DPP6: variants seen among roughly 807,000 people sequenced by gnomAD.
DPP6 encodes the protein dipeptidyl peptidase like 6.
DPP6 carries 69 observed loss-of-function variants against 122.6 expected under a neutral mutation model. The observed-to-expected ratio is 0.56, with a 90% CI of 0.46 to 0.69. DPP6 has a LOEUF of 0.69. DPP6 is among the 30% of genes least tolerant of loss of function. The pLI is 0.00. For missense variants in DPP6, 928 were observed against 1,116.9 expected, an observed-to-expected ratio of 0.83 and a Z score of 2.41; for synonymous variants, 418 against 433.1, an observed-to-expected ratio of 0.97 and a Z score of 0.43.
At chr7:154,543,448 A>G (rs137875505) in intron 4 of DPP6, among the ~76,000 whole-genome samples, 58 of 152,244 alleles carry the variant, frequency 3.8e-4, no homozygotes, top group Non-Finnish European at 7.8e-4. Context: ...TGGCTCTTAC[A>G]TGGGACAGGT....
intron 1 of DPP6, among the ~76,000 whole-genome samples, chr7:154,189,930 C>T (rs1213443008): frequency 2.0e-5 from 3 of 152,198 alleles, no homozygotes; most frequent in Admixed American, 6.5e-5. Context: ...AGTAACACCA[C>T]CCATGGCTTC....
chr7:154,274,908 A>G (rs1804026849), intron 1 of DPP6, among the ~76,000 whole-genome samples: 1 of 151,926 alleles, frequency 6.6e-6, no homozygotes, highest in African/African-American at 2.4e-5. Flanking sequence ...CATCTCCATC[A>G]CTCCTCCCAG....
At chr7:154,065,942 A>G (rs951470248) in intron 1 of DPP6, among the ~76,000 whole-genome samples, 2 of 151,962 alleles carry the variant, frequency 1.3e-5, no homozygotes, top group African/African-American at 4.8e-5. Context: ...CAGTCCCAGA[A>G]TACCCATAAT....
intron 1 of DPP6, among the ~76,000 whole-genome samples, chr7:154,017,727 T>TAAAAAAAAAAAAAAAAAA (rs61261080): frequency 9.1e-6 from 1 of 109,456 alleles, no homozygotes; most frequent in Non-Finnish European, 1.9e-5. Context: ...AATAAAAAAA[T>TAAAAAAAAAAAAAAAAAA]AAAAAAAAAA....
intron 1 of DPP6, among the ~76,000 whole-genome samples, chr7:154,108,057 AC>A (rs1563206675): frequency 6.6e-6 from 1 of 152,204 alleles, no homozygotes; most frequent in Non-Finnish European, 1.5e-5. Flanking sequence ...AAATGTGTTC[AC>A]CCAAATATAT....
At chr7:154,347,308 C>T (rs17262575) in intron 1 of DPP6, among the ~76,000 whole-genome samples, 17,047 of 152,258 alleles carry the variant, frequency 0.11, 1,135 homozygotes, top group South Asian at 0.18. Context: ...CCAATATTCC[C>T]TAGCCTTGGA....
At chr7:154,838,056 C>T (rs1308041680) in intron 16 of DPP6, among the ~76,000 whole-genome samples, 2 of 152,170 alleles carry the variant, frequency 1.3e-5, no homozygotes, top group Non-Finnish European at 2.9e-5. Context: ...TCCAGGGACC[C>T]AGCAGCCACG....
At chr7:154,129,696 G>A (rs1352860703) in intron 1 of DPP6, among the ~76,000 whole-genome samples, 1 of 152,064 alleles carries the variant, frequency 6.6e-6, no homozygotes, top group Non-Finnish European at 1.5e-5. Context: ...TCAGGAGATT[G>A]AGACCATCCT....
rs1801977083 is a variant in DPP6 at position 154,846,799 on chromosome 7, CA to C, written c.1667-6979del. ...GCATCTCTTCAAAAATGAAGTTTTA[CA>C]ACTTTTAAAAATTATTTACATCATT... On this transcript the variant is annotated intron_variant, in intron 16 of 25. Transcript: ENST00000377770. Among the ~76,000 whole-genome samples the C allele has an allele frequency of 2.6e-5, 4 of 152,292 alleles. No individual in the cohort carries two copies. In the South Asian group the frequency reaches 8.3e-4, roughly 32 times the overall value.
chr7:154,302,763 C>A (rs576381696), intron 1 of DPP6, among the ~76,000 whole-genome samples: 3 of 152,206 alleles, frequency 2.0e-5, no homozygotes, highest in African/African-American at 4.8e-5. Context: ...CAGCATGCAC[C>A]GCTGAGCATT....
intron 3 of DPP6, among the ~76,000 whole-genome samples, chr7:154,513,985 G>T (rs137865155): frequency 1.3e-5 from 2 of 152,256 alleles, no homozygotes; most frequent in African/African-American, 4.8e-5. Context: ...AATTAAGAAG[G>T]GTTAGAGGGC....
intron 7 of DPP6, among the ~76,000 whole-genome samples, chr7:154,689,611 C>T (rs56311208): frequency 0.053 from 8,123 of 152,004 alleles, 294 homozygotes; most frequent in African/African-American, 0.1. Context: ...GGGTGAAATT[C>T]GTCTACACTG....
At chr7:154,656,684 G>T (rs1837275438) in intron 6 of DPP6, among the ~76,000 whole-genome samples, 1 of 151,912 alleles carries the variant, frequency 6.6e-6, no homozygotes, top group African/African-American at 2.4e-5. Context: ...TTGGGCTGAT[G>T]ATGGGTTAGA....
intron 1 of DPP6, among the ~76,000 whole-genome samples, chr7:153,935,105 A>G (rs1199273795): frequency 6.6e-6 from 1 of 152,194 alleles, no homozygotes; most frequent in Non-Finnish European, 1.5e-5. Context: ...GTGGGTGCTG[A>G]GGAAGCTGAA....
chr7:154,253,353 G>T (rs775461338), intron 1 of DPP6, among the ~76,000 whole-genome samples: 9 of 152,164 alleles, frequency 5.9e-5, no homozygotes, highest in Admixed American at 2.6e-4. Flanking sequence ...ATACAGGTGT[G>T]GGGGGTGAGG....
intron 5 of DPP6, among the ~76,000 whole-genome samples, chr7:154,580,435 T>C (rs1031844615): frequency 6.6e-6 from 1 of 152,172 alleles, no homozygotes; most frequent in Non-Finnish European, 1.5e-5. Flanking sequence ...CACTTGTTAG[T>C]AATTCCAACA....
At chr7:154,262,193 T>C (rs78407959) in intron 1 of DPP6, among the ~76,000 whole-genome samples, 13,094 of 152,230 alleles carry the variant, frequency 0.086, 596 homozygotes, top group Middle Eastern at 0.15. Context: ...AGATCTAATT[T>C]ACTGCGATGT....
chr7:154,037,561 A>T (rs1439925647), intron 1 of DPP6, among the ~76,000 whole-genome samples: 1 of 140,206 alleles, frequency 7.1e-6, no homozygotes, highest in East Asian at 2.0e-4. Flanking sequence ...TATATATAAG[A>T]AATGAATTAA....
At chr7:154,040,877 GTCA>G (rs1413454894) in intron 1 of DPP6, among the ~76,000 whole-genome samples, 1 of 149,936 alleles carries the variant, frequency 6.7e-6, no homozygotes, top group Admixed American at 6.6e-5. Context: ...TTTCAAGCCT[GTCA>G]TCTTCAACTC....
Sources: allele counts gnomAD v4.1 joint callset (sites outside exome capture counted in the v4.1 genomes callset), GRCh38; gene constraint gnomAD v4.1.1; transcripts MANE v1.5; gene names NCBI Gene and HGNC (gene_info 2026-07-23, HGNC 2026-07-21).